Variants in DMD observed in about 807,000 individuals in gnomAD.
The protein encoded by DMD is mutant dystrophin.
Under a neutral mutation model 330.1 loss-of-function variants are expected in DMD, and 63 were observed. The observed-to-expected ratio is 0.19, with a 90% CI of 0.16 to 0.24. The LOEUF (loss-of-function observed/expected upper bound fraction) is 0.24. Ranked by LOEUF, DMD falls within the 10% of genes least tolerant of loss-of-function variation. The pLI, the probability that DMD is intolerant of heterozygous loss-of-function variation, is 1.00. For missense variants in DMD, 3,344 were observed against 2,684.1 expected, an observed-to-expected ratio of 1.25 and a Z score of -5.43; for synonymous variants, 1,223 against 959.8, an observed-to-expected ratio of 1.27 and a Z score of -5.07.
intron 2 of DMD, among the ~76,000 whole-genome samples, chrX:32,863,068 A>C (rs1238124381): frequency 9.0e-6 from 1 of 110,737 alleles, no homozygotes; most frequent in Non-Finnish European, 1.9e-5. Flanking sequence ...ATTCACATAG[A>C]TACATGATTT....
chrX:32,811,942 T>G (rs2077397278), intron 6 of DMD, among the ~76,000 whole-genome samples: 2 of 111,772 alleles, frequency 1.8e-5, no homozygotes, highest in African/African-American at 6.5e-5. Context: ...GCTCAGATAA[T>G]CAAGACCTCA....
chrX:32,840,635 C>T (rs1391151691), intron 4 of DMD, among the ~76,000 whole-genome samples: 1 of 111,959 alleles, frequency 8.9e-6, no homozygotes, highest in African/African-American at 3.2e-5. Flanking sequence ...CAATTTTAAA[C>T]CCATGGAAAC....
At chrX:31,505,166 C>T (rs1215210001) in intron 56 of DMD, among the ~76,000 whole-genome samples, 2 of 112,013 alleles carry the variant, frequency 1.8e-5, no homozygotes, top group African/African-American at 6.5e-5. Flanking sequence ...TTCCATCTCA[C>T]ATTTTCATTC....
At chrX:31,666,312 G>A (rs944520977) in intron 53 of DMD, among the ~76,000 whole-genome samples, 2 of 111,823 alleles carry the variant, frequency 1.8e-5, no homozygotes, top group Non-Finnish European at 3.8e-5. Context: ...CAGGCAGAAG[G>A]CTCAAGAACC....
At chrX:31,541,107 A>G (rs1460423129) in intron 55 of DMD, among the ~76,000 whole-genome samples, 1 of 111,854 alleles carries the variant, frequency 8.9e-6, no homozygotes, top group Non-Finnish European at 1.9e-5. Context: ...TGTCTAACAC[A>G]GGAGCCACTG....
chrX:33,205,897 G>A (rs753271736), intron 1 of DMD, among the ~76,000 whole-genome samples: 1 of 111,207 alleles, frequency 9.0e-6, no homozygotes, highest in Non-Finnish European at 1.9e-5. Flanking sequence ...CCCATGTATG[G>A]TTTTCATATT....
chrX:31,691,411 C>T (rs780588211), intron 52 of DMD, among the ~76,000 whole-genome samples: 15 of 111,368 alleles, frequency 1.3e-4, no homozygotes, highest in Non-Finnish European at 2.3e-4. Flanking sequence ...AACAAAATGA[C>T]ACTAGTAAGT....
At chrX:32,784,617 C>T (rs562038546) in intron 7 of DMD, among the ~76,000 whole-genome samples, 23 of 111,492 alleles carry the variant, frequency 2.1e-4, no homozygotes, top group African/African-American at 6.8e-4. Context: ...GTTAGGTTCC[C>T]GCTCCAAAAT....
At chrX:33,221,890 AATGAGT>A (rs1412976180) in intron 1 of DMD, among the ~76,000 whole-genome samples, 1 of 110,909 alleles carries the variant, frequency 9.0e-6, no homozygotes, top group Non-Finnish European at 1.9e-5. Flanking sequence ...TATACTAGAT[AATGAGT>A]ATAACTGTTA....
At chrX:32,908,229 C>T (rs185139127) in intron 2 of DMD, among the ~76,000 whole-genome samples, 15 of 111,350 alleles carry the variant, frequency 1.3e-4, no homozygotes, top group African/African-American at 2.0e-4. Context: ...CATCATCAAA[C>T]GGTATTATAA....
rs1332182144 is a variant in DMD, at chrX:32,244,628, T to C, written c.6291-27565A>G. 1.9e-4 allele frequency among the ~76,000 whole-genome samples: 17 copies of C among 89,571 alleles called. 1 individual carries two copies. The highest frequency in any genetic ancestry group is 6.9e-4 in the African/African-American group (16 of 23,319). 77.8% of individuals were successfully genotyped at this position (89,571 alleles called of 115,157 possible). A position where few individuals can be genotyped will look rare whatever the true frequency, so the allele number is the denominator to read the frequency against. On this transcript the variant is annotated intron_variant, in intron 43 of 78. Coordinates refer to ENST00000357033, the MANE Select transcript of DMD (RefSeq NM_004006.3). ...CACATCCTCTCCAGCACCTGTTGTT[T>C]CCTGACTTTTGAATGATTGCCATTC...
At chrX:33,004,623 A>AT (rs963405923) in intron 2 of DMD, among the ~76,000 whole-genome samples, 1 of 110,705 alleles carries the variant, frequency 9.0e-6, no homozygotes, top group African/African-American at 3.3e-5. Context: ...TTACTTGTGT[A>AT]TTTTTTTATA....
At chrX:31,979,818 T>C (rs1603618925) in intron 44 of DMD, among the ~76,000 whole-genome samples, 1 of 112,328 alleles carries the variant, frequency 8.9e-6, no homozygotes, top group Non-Finnish European at 1.9e-5. Context: ...GGAAAATGTC[T>C]GTCATTCCCA....
intron 43 of DMD, among the ~76,000 whole-genome samples, chrX:32,232,607 C>T (rs775482520): frequency 5.4e-5 from 6 of 111,897 alleles, no homozygotes; most frequent in Non-Finnish European, 9.4e-5. Context: ...TAAATATCAT[C>T]ACAAAAGTCG....
At chrX:32,722,161 T>C (rs1013863980) in intron 7 of DMD, among the ~76,000 whole-genome samples, 4 of 110,695 alleles carry the variant, frequency 3.6e-5, no homozygotes, top group Non-Finnish European at 7.6e-5. Context: ...TATAATGCTC[T>C]TTTATTTCTG....
At chrX:31,208,038 C>G (rs2044267093) in intron 65 of DMD, among the ~76,000 whole-genome samples, 1 of 111,483 alleles carries the variant, frequency 9.0e-6, no homozygotes, top group Admixed American at 9.5e-5. Context: ...AGTTTTTTGG[C>G]TTCTTATTTT....
chrX:32,411,866 C>T lies in DMD; in HGVS notation c.4119G>A (p.Gln1373=). ...KLLEQSIQSA[Q]ETEKSLHLIQ... ...TTAAGTGTAAGGATTTTTCAGTCTC[C>T]TGGGCAGACTGGATGCTCTGTTCAA... The change falls in exon 30 of 79, where the codon CAG becomes CAA. Residue 1373 remains glutamine (Q), a synonymous_variant. Transcript: ENST00000357033. The T allele has an allele frequency of 8.3e-7, 1 of 1,210,743 alleles. No homozygotes were observed. The highest frequency in any genetic ancestry group is 1.1e-6 in the Non-Finnish European group (1 of 895,139).
rs745838769 is a variant in DMD at position 33,038,217 on chromosome X, T to A, written c.32-18017A>T. On this transcript the variant is annotated intron_variant, in intron 1 of 78. Coordinates refer to ENST00000357033, the MANE Select transcript of DMD (RefSeq NM_004006.3). ...TACATGCATGAAATTGTGATTTTAT[T>A]TTCTTGGTTACTTTTTGGTTACAGC... Among the ~76,000 whole-genome samples the A allele has an allele frequency of 1.6e-4, 18 of 112,029 alleles. No homozygotes were observed. In the South Asian group the frequency reaches 5.9e-3, roughly 37 times the overall value.
At chrX:31,559,169 G>C (rs1159819578) in intron 55 of DMD, among the ~76,000 whole-genome samples, 1 of 112,071 alleles carries the variant, frequency 8.9e-6, no homozygotes, top group East Asian at 2.8e-4. Context: ...CTCTGATATT[G>C]TGAATTTAAT....
Sources: gnomAD v4.1 joint callset for allele counts (sites outside exome capture counted in the v4.1 genomes callset) on GRCh38, gnomAD v4.1.1 for gene constraint, MANE v1.5 for transcripts, NCBI Gene and HGNC (gene_info 2026-07-23, HGNC 2026-07-21) for gene names.